Variants in MTUS1 observed in about 807,000 individuals in gnomAD.
MTUS1 encodes the protein microtubule associated scaffold protein 1.
A neutral mutation model predicts 120.8 loss-of-function variants in MTUS1; 109 were observed. The ratio of observed to expected loss-of-function variants is 0.90; its 90% CI spans 0.77 to 1.06. The LOEUF is 1.06. Ranked by LOEUF, MTUS1 falls within the 50% of genes least tolerant of loss-of-function variation. The pLI, the probability that MTUS1 is intolerant of heterozygous loss-of-function variation, is 0.00. For synonymous variants in MTUS1, 737 were observed against 550.5 expected (o/e 1.34, Z -4.74); for missense variants, 2,210 against 1,486.3 (o/e 1.49, Z -8.01).
At chr8:17,724,322 T>C (rs1302570024) in intron 3 of MTUS1, among the ~76,000 whole-genome samples, 1 of 152,164 alleles carries the variant, frequency 6.6e-6, no homozygotes, top group East Asian at 1.9e-4. Context: ...TTCACTCATT[T>C]ATACACAGAA....
chr8:17,712,763 G>A (rs1380025663), intron 6 of MTUS1, among the ~76,000 whole-genome samples: 1 of 150,510 alleles, frequency 6.6e-6, no homozygotes, highest in African/African-American at 2.5e-5. Flanking sequence ...TCTCAGCTGT[G>A]GTTCAAATAG....
chr8:17,767,611 A>T (rs952664366), intron 1 of MTUS1, among the ~76,000 whole-genome samples: 1 of 150,184 alleles, frequency 6.7e-6, no homozygotes, highest in Non-Finnish European at 1.5e-5. Flanking sequence ...GGGCAGGAGG[A>T]CTGCCTGAGC....
At chr8:17,689,240 C>A (rs912338066) in intron 6 of MTUS1, among the ~76,000 whole-genome samples, 1 of 151,844 alleles carries the variant, frequency 6.6e-6, no homozygotes, top group Non-Finnish European at 1.5e-5. Flanking sequence ...AAACAAAAAA[C>A]CCCAAGCCAA....
chr8:17,702,156 G>A (rs772082638), intron 6 of MTUS1, among the ~76,000 whole-genome samples: 2 of 152,152 alleles, frequency 1.3e-5, no homozygotes, highest in Non-Finnish European at 2.9e-5. Flanking sequence ...GAATTCCCGG[G>A]TGGAAGGTGT....
rs546876555 is a variant in MTUS1 at position 17,688,831 on chromosome 8, A to G, written c.2624-4289T>C. On this transcript the variant is annotated intron_variant, in intron 6 of 14. Coordinates refer to ENST00000693296, the MANE Select transcript of MTUS1 (RefSeq NM_001363059.2). The stretch of plus-strand genomic sequence containing the variant: ...ACATATATTTTTCTATTTACATATA[A>G]TATTTTTCTATTTCTAGGTAGACAT... 1.7e-4 allele frequency among the ~76,000 whole-genome samples: 26 copies of G among 152,330 alleles called. No homozygotes were observed. In the South Asian group the frequency reaches 5.0e-3, roughly 29 times the overall value.
intron 1 of MTUS1, among the ~76,000 whole-genome samples, chr8:17,770,799 T>C (rs953563533): frequency 6.6e-6 from 1 of 152,236 alleles, no homozygotes; most frequent in Non-Finnish European, 1.5e-5. Flanking sequence ...TTCTTGGTTA[T>C]ACTGTACACA....
chr8:17,751,192 G>C (rs1207672514), intron 2 of MTUS1, among the ~76,000 whole-genome samples: 11 of 152,278 alleles, frequency 7.2e-5, no homozygotes, highest in Admixed American at 6.5e-5. Context: ...TGCACCTGTA[G>C]TCCCAGCTAC....
chr8:17,726,418 T>G (rs2046234549), intron 3 of MTUS1, among the ~76,000 whole-genome samples: 1 of 152,194 alleles, frequency 6.6e-6, no homozygotes, highest in Non-Finnish European at 1.5e-5. Flanking sequence ...CTAAGGTTCC[T>G]GAGATCAGGA....
chr8:17,734,855 A>G (rs1563289373), intron 3 of MTUS1, among the ~76,000 whole-genome samples: 2 of 152,176 alleles, frequency 1.3e-5, no homozygotes, highest in African/African-American at 2.4e-5. Context: ...TTATGAGCAG[A>G]GCTCCACTGA....
At chr8:17,768,052 A>G (rs1027120804) in intron 1 of MTUS1, among the ~76,000 whole-genome samples, 16 of 152,210 alleles carry the variant, frequency 1.1e-4, no homozygotes, top group Non-Finnish European at 2.1e-4. Flanking sequence ...CTGGCACACA[A>G]TATGTGCCCA....
chr8:17,799,067 G>A (rs572184371), intron 1 of MTUS1, among the ~76,000 whole-genome samples: 19 of 151,998 alleles, frequency 1.3e-4, no homozygotes, highest in African/African-American at 4.6e-4. Flanking sequence ...CAAGAATACG[G>A]TAACACCAGT....
intron 4 of MTUS1, 75 bp downstream of exon 4, chr8:17,723,597 T>C (rs73206217): frequency 0.045 from 66,394 of 1,472,172 alleles, 3,005 homozygotes; most frequent in Non-Finnish European, 0.054. Flanking sequence ...AAAATTCTAA[T>C]TATTTGCAGA....
intron 8 of MTUS1, among the ~76,000 whole-genome samples, chr8:17,661,120 A>G (rs891787572): frequency 6.6e-6 from 1 of 152,242 alleles, no homozygotes; most frequent in Non-Finnish European, 1.5e-5. Flanking sequence ...GTCCAATGTT[A>G]GTCAAACGAG....
intron 8 of MTUS1, among the ~76,000 whole-genome samples, chr8:17,658,160 C>T (rs921063634): frequency 6.6e-6 from 1 of 152,008 alleles, no homozygotes; most frequent in African/African-American, 2.4e-5. Context: ...GCCTCAGCCT[C>T]CTCAGTAGCT....
intron 12 of MTUS1, among the ~76,000 whole-genome samples, chr8:17,651,446 C>T (rs78590013): frequency 1.3e-5 from 2 of 151,940 alleles, no homozygotes; most frequent in African/African-American, 2.4e-5. Flanking sequence ...ACACATCACA[C>T]GTACCCCATA....
chr8:17,776,297 C>T (rs1055238101), intron 1 of MTUS1, among the ~76,000 whole-genome samples: 3 of 151,602 alleles, frequency 2.0e-5, no homozygotes, highest in African/African-American at 4.9e-5. Context: ...TTTTATATAA[C>T]GAACTTAGGC....
At chr8:17,723,888 C>A in intron 3 of MTUS1, 55 bp from the exon 4 acceptor site, 2 of 1,444,804 alleles carry the variant, frequency 1.4e-6, no homozygotes, top group African/African-American at 2.8e-5. Context: ...CGAAAGCTGG[C>A]ACTTTTTAAG....
Position 17,792,727 on chromosome 8 carries a change from G to A in MTUS1, c.-155+8334C>T, listed in dbSNP as rs184867068. On this transcript the variant is annotated intron_variant, in intron 1 of 14. Coordinates refer to ENST00000693296, the MANE Select transcript of MTUS1 (RefSeq NM_001363059.2). ...AAAAATACAAAAATTATCCAGGCGC[G>A]GTGGCGCATACCTGTAGTGCCAGGT... Among the ~76,000 whole-genome samples, 16 of 152,330 alleles carry A rather than the reference G, an allele frequency of 1.1e-4. No homozygotes were observed. The East Asian group carries it at 2.9e-3, about 28-fold the overall frequency.
chr8:17,770,717 T>C (rs2049960356), intron 1 of MTUS1: 1 of 152,210 alleles, frequency 6.6e-6, no homozygotes, highest in African/African-American at 2.4e-5. Flanking sequence ...AGAATTTTCC[T>C]TGGACTCTCT....
Sources: allele counts gnomAD v4.1 joint callset (sites outside exome capture counted in the v4.1 genomes callset), GRCh38; gene constraint gnomAD v4.1.1; transcripts MANE v1.5; gene names NCBI Gene and HGNC (gene_info 2026-07-23, HGNC 2026-07-21).